FBXL13: variants seen among roughly 807,000 people sequenced by gnomAD.
FBXL13 encodes F-box and leucine rich repeat protein 13.
A neutral mutation model predicts 83.6 loss-of-function variants in FBXL13; 67 were observed. The ratio of observed to expected loss-of-function variants is 0.80; its 90% CI spans 0.66 to 0.98. The LOEUF (loss-of-function observed/expected upper bound fraction) is 0.98. Ranked by LOEUF, FBXL13 falls within the 50% of genes least tolerant of loss-of-function variation. FBXL13 has a pLI of 0.00. For synonymous variants in FBXL13, 272 were observed against 299.5 expected (o/e 0.91, Z 0.95); for missense variants, 822 against 866.5 (o/e 0.95, Z 0.64).
rs74341191 is a variant in FBXL13 at position 102,939,272 on chromosome 7, G to A, written c.725-7339C>T. Reference sequence around the variant, plus strand: ...TTGCTGGGCTTTGATGGAATTTAGCGTATGCTAAGGCTTGTTTCATACTAA... The same window carrying A: ...TTGCTGGGCTTTGATGGAATTTAGCATATGCTAAGGCTTGTTTCATACTAA... On this transcript the variant is annotated intron_variant, in intron 8 of 19. Coordinates refer to ENST00000313221, the Ensembl canonical transcript of FBXL13. 5.3e-5 allele frequency among the ~76,000 whole-genome samples: 8 copies of A among 152,204 alleles called. No homozygotes were observed. The East Asian group carries it at 1.2e-3, about 22-fold the overall frequency.
intron 16 of FBXL13, among the ~76,000 whole-genome samples, chr7:102,871,531 G>A (rs1382808517): frequency 1.3e-5 from 2 of 151,658 alleles, no homozygotes; most frequent in Admixed American, 6.6e-5. Flanking sequence ...GACTACATGC[G>A]CATGCCACCA....
chr7:102,979,648 T>C (rs1223596637), intron 6 of FBXL13, among the ~76,000 whole-genome samples: 1 of 152,236 alleles, frequency 6.6e-6, no homozygotes, highest in Non-Finnish European at 1.5e-5. Flanking sequence ...TTTAATTGTA[T>C]GTTATGTTTT....
intron 8 of FBXL13, among the ~76,000 whole-genome samples, chr7:102,942,778 G>T (rs1456988500): frequency 6.6e-6 from 1 of 152,078 alleles, no homozygotes; most frequent in Admixed American, 6.6e-5. Context: ...CAGATAATAT[G>T]AAAATAGTTA....
At chr7:102,918,872 A>G (rs1396245979) in intron 10 of FBXL13, among the ~76,000 whole-genome samples, 1 of 152,220 alleles carries the variant, frequency 6.6e-6, no homozygotes, top group Non-Finnish European at 1.5e-5. Context: ...GTTTATGTAC[A>G]TACATACATG....
chr7:102,966,574 T>A (rs1825984632), intron 7 of FBXL13, among the ~76,000 whole-genome samples: 1 of 152,084 alleles, frequency 6.6e-6, no homozygotes, highest in Admixed American at 6.5e-5. Flanking sequence ...AGCCAACACG[T>A]CTGCCCAGAG....
At chr7:102,973,640 G>T (rs531224265) in intron 6 of FBXL13, 1 of 766,256 alleles carries the variant, frequency 1.3e-6, no homozygotes, top group African/African-American at 1.7e-5. Flanking sequence ...CCCGGGAGGG[G>T]CTCCGGTCTT....
At chr7:103,071,598 A>T (rs746711965) in intron 1 of FBXL13, among the ~76,000 whole-genome samples, 3 of 139,572 alleles carry the variant, frequency 2.1e-5, no homozygotes, top group Non-Finnish European at 4.6e-5. Context: ...GGGTCTCACT[A>T]TGTTACCGAG....
intron 14 of FBXL13, among the ~76,000 whole-genome samples, chr7:102,880,001 C>T (rs945911471): frequency 1.1e-4 from 17 of 152,144 alleles, no homozygotes; most frequent in African/African-American, 1.9e-4. Context: ...CCACCACGCC[C>T]GACGGGCATC....
intron 10 of FBXL13, among the ~76,000 whole-genome samples, chr7:102,924,847 T>C (rs2129471613): frequency 6.6e-6 from 1 of 151,986 alleles, no homozygotes; most frequent in Admixed American, 6.5e-5. Flanking sequence ...TTCACCATGG[T>C]CTCAATCTCC....
At chr7:102,931,540 A>G (rs1207312887) in intron 9 of FBXL13, among the ~76,000 whole-genome samples, 6 of 152,218 alleles carry the variant, frequency 3.9e-5, no homozygotes, top group African/African-American at 7.2e-5. Flanking sequence ...TCTTTGGCAC[A>G]GCTGTTGATA....
intron 16 of FBXL13, among the ~76,000 whole-genome samples, chr7:102,862,817 C>T (rs1807060501): frequency 6.6e-6 from 1 of 152,224 alleles, no homozygotes. Context: ...CCTCTGTCTC[C>T]ACCTACTTCT....
chr7:102,895,023 C>T (rs1213779580), intron 11 of FBXL13, among the ~76,000 whole-genome samples: 1 of 152,070 alleles, frequency 6.6e-6, no homozygotes, highest in African/African-American at 2.4e-5. Flanking sequence ...GTATTATTTG[C>T]TAAGGATACA....
At chr7:103,041,365 G>A (rs544294888) in intron 2 of FBXL13, among the ~76,000 whole-genome samples, 9 of 152,182 alleles carry the variant, frequency 5.9e-5, no homozygotes, top group Middle Eastern at 3.4e-3. Flanking sequence ...AGGACCAGAC[G>A]GATTCACAGC....
At chr7:102,901,553 C>A (rs1812964068) in intron 11 of FBXL13, among the ~76,000 whole-genome samples, 1 of 152,124 alleles carries the variant, frequency 6.6e-6, no homozygotes, top group South Asian at 2.1e-4. Context: ...AACCTCAAAG[C>A]CCCATTATCC....
At chr7:103,068,652 G>A (rs1563297052) in intron 1 of FBXL13, among the ~76,000 whole-genome samples, 1 of 152,184 alleles carries the variant, frequency 6.6e-6, no homozygotes, top group Non-Finnish European at 1.5e-5. Context: ...AAGAGGACAG[G>A]GCTGGGCCCA....
chr7:102,940,175 T>C (rs964578559), intron 8 of FBXL13, among the ~76,000 whole-genome samples: 19 of 151,620 alleles, frequency 1.3e-4, no homozygotes, highest in African/African-American at 4.6e-4. Flanking sequence ...ATTACAGGCA[T>C]GAGCCACCGC....
intron 6 of FBXL13, among the ~76,000 whole-genome samples, chr7:103,020,839 C>T (rs1454993488): frequency 6.6e-6 from 1 of 152,162 alleles, no homozygotes; most frequent in Non-Finnish European, 1.5e-5. Context: ...AAAGAGAACA[C>T]AAACAAATGG....
chr7:102,934,359 T>C (rs776301739), intron 8 of FBXL13: 1 of 1,614,162 alleles, frequency 6.2e-7, no homozygotes, highest in South Asian at 1.1e-5. Context: ...GAGGAAGTGT[T>C]CATTTACACA....
chr7:102,978,703 G>T, intron 6 of FBXL13: 3 of 211,214 alleles, frequency 1.4e-5, no homozygotes, highest in South Asian at 1.8e-4. Context: ...CACTCTCGGG[G>T]TTTGAACTGA....
Sources: gnomAD v4.1 joint callset for allele counts (sites outside exome capture counted in the v4.1 genomes callset) on GRCh38, gnomAD v4.1.1 for gene constraint, MANE v1.5 for transcripts, NCBI Gene and HGNC (gene_info 2026-07-23, HGNC 2026-07-21) for gene names.